ZNF536: variants seen among roughly 807,000 people sequenced by gnomAD.
The protein encoded by ZNF536 is zinc finger protein 536.
ZNF536 carries 13 observed loss-of-function variants against 84.5 expected under a neutral mutation model. That is an observed-to-expected ratio of 0.15 (90% confidence interval 0.10 to 0.24). The LOEUF is 0.24. ZNF536 is among the 10% of genes least tolerant of loss of function. The probability of loss-of-function intolerance (pLI) is 1.00; values close to 1 mark genes in which losing one functional copy is unlikely to be tolerated. For synonymous variants in ZNF536, 811 were observed against 742.5 expected (o/e 1.09, Z -1.50); for missense variants, 1,536 against 1,747.5 (o/e 0.88, Z 2.16).
At chr19:30,706,223 G>A (rs969354887) in intron 1 of ZNF536, among the ~76,000 whole-genome samples, 3 of 152,166 alleles carry the variant, frequency 2.0e-5, no homozygotes, top group Admixed American at 6.5e-5. Context: ...GGTGGCTCAC[G>A]CCTGTAATCC....
At chr19:30,517,027 G>A (rs532957852) in intron 2 of ZNF536, among the ~76,000 whole-genome samples, 3 of 152,156 alleles carry the variant, frequency 2.0e-5, no homozygotes, top group Admixed American at 6.5e-5. Flanking sequence ...TCTTTACATC[G>A]CCTGGTTCTC....
chr19:30,702,875 C>A (rs1017898201), intron 1 of ZNF536, among the ~76,000 whole-genome samples: 3 of 152,294 alleles, frequency 2.0e-5, no homozygotes, highest in African/African-American at 7.2e-5. Flanking sequence ...TGAGTAACAA[C>A]AATCATCAAA....
At chr19:30,441,633 C>T (rs903341547) in intron 1 of ZNF536, among the ~76,000 whole-genome samples, 6 of 152,216 alleles carry the variant, frequency 3.9e-5, no homozygotes, top group South Asian at 2.1e-4. Flanking sequence ...AATGGGCCCG[C>T]GTATTTTAAA....
intron 2 of ZNF536, among the ~76,000 whole-genome samples, chr19:30,493,155 T>C (rs2054578488): frequency 7.0e-6 from 1 of 143,050 alleles, no homozygotes; most frequent in African/African-American, 2.6e-5. Context: ...GCAGCTGTCA[T>C]GACTTTAGTT....
intron 1 of ZNF536, among the ~76,000 whole-genome samples, chr19:30,278,433 G>A (rs2045317916): frequency 6.6e-6 from 1 of 152,204 alleles, no homozygotes; most frequent in East Asian, 1.9e-4. Flanking sequence ...TAAAGGTGGT[G>A]TGGGCGGTGT....
At chr19:30,540,616 A>G (rs1454336254) in intron 3 of ZNF536, among the ~76,000 whole-genome samples, 2 of 152,214 alleles carry the variant, frequency 1.3e-5, no homozygotes, top group African/African-American at 4.8e-5. Context: ...AGGTGAAGTT[A>G]TCCCATCCCG....
exon 2 of ZNF536, chr19:30,712,285 GT>G (rs1369537138): frequency 6.6e-6 from 1 of 152,068 alleles, no homozygotes; most frequent in Non-Finnish European, 1.5e-5. Flanking sequence ...CTAGTTAAAG[GT>G]TTATTCTTGA....
chr19:30,629,569 G>T (rs2048814196), intron 1 of ZNF536, among the ~76,000 whole-genome samples: 1 of 152,170 alleles, frequency 6.6e-6, no homozygotes, highest in Non-Finnish European at 1.5e-5. Context: ...GTAAAAGAAG[G>T]GGCAAGGCTC....
At chr19:30,324,157 C>T (rs1037826151) in intron 2 of ZNF536, among the ~76,000 whole-genome samples, 1 of 152,082 alleles carries the variant, frequency 6.6e-6, no homozygotes, top group Non-Finnish European at 1.5e-5. Flanking sequence ...ATCCATCCAT[C>T]CACCCATCCA....
intron 2 of ZNF536, among the ~76,000 whole-genome samples, chr19:30,499,242 ATC>A (rs1463520235): frequency 1.3e-5 from 2 of 149,142 alleles, no homozygotes; most frequent in Non-Finnish European, 3.0e-5. Flanking sequence ...TTGAGGGCCT[ATC>A]TGTTCAGATA....
At chr19:30,314,959 G>T (rs1220525243) in intron 2 of ZNF536, among the ~76,000 whole-genome samples, 1 of 151,954 alleles carries the variant, frequency 6.6e-6, no homozygotes, top group East Asian at 1.9e-4. Context: ...TGGCCTAAAT[G>T]GCATGTCTCA....
intron 1 of ZNF536, among the ~76,000 whole-genome samples, chr19:30,255,678 A>G (rs1411822590): frequency 6.6e-6 from 1 of 152,184 alleles, no homozygotes; most frequent in Non-Finnish European, 1.5e-5. Context: ...TCTTTCTGCA[A>G]CTTCAATACA....
At chr19:30,710,395 T>C (rs1015255900) in intron 1 of ZNF536, among the ~76,000 whole-genome samples, 1 of 152,070 alleles carries the variant, frequency 6.6e-6, no homozygotes, top group African/African-American at 2.4e-5. Flanking sequence ...CAAACAAAAT[T>C]GCTGGGCATT....
chr19:30,346,256 T>A, intron 2 of ZNF536, among the ~76,000 whole-genome samples: 1 of 152,198 alleles, frequency 6.6e-6, no homozygotes, highest in East Asian at 1.9e-4. Flanking sequence ...GAAGATTTCC[T>A]CGGGAAAAGG....
At chr19:30,229,749 T>C (rs566464496) in intron 1 of ZNF536, among the ~76,000 whole-genome samples, 2 of 152,276 alleles carry the variant, frequency 1.3e-5, no homozygotes, top group South Asian at 4.1e-4. Context: ...CTGATTTGCT[T>C]GGTAATGATA....
At chr19:30,438,118 G>C (rs1326055930) in intron 1 of ZNF536, among the ~76,000 whole-genome samples, 2 of 152,096 alleles carry the variant, frequency 1.3e-5, no homozygotes, top group Non-Finnish European at 2.9e-5. Context: ...AGACTCGGGG[G>C]TACATGTGTA....
intron 1 of ZNF536, among the ~76,000 whole-genome samples, chr19:30,688,386 A>G (rs986793222): frequency 6.6e-6 from 1 of 152,136 alleles, no homozygotes; most frequent in African/African-American, 2.4e-5. Context: ...ATGTCAGCTG[A>G]GTTTCGGCTG....
chr19:30,626,797 G>A (rs1348699255), intron 1 of ZNF536, among the ~76,000 whole-genome samples: 1 of 152,224 alleles, frequency 6.6e-6, no homozygotes, highest in Non-Finnish European at 1.5e-5. Context: ...TGGTGACCGC[G>A]CCAGATAGGG....
intron 2 of ZNF536, among the ~76,000 whole-genome samples, chr19:30,339,596 G>A (rs1349276171): frequency 6.6e-6 from 1 of 152,178 alleles, no homozygotes; most frequent in East Asian, 1.9e-4. Flanking sequence ...AGGGATCTAG[G>A]ATGGTCCCTG....
Sources: allele counts gnomAD v4.1 joint callset (sites outside exome capture counted in the v4.1 genomes callset), GRCh38; gene constraint gnomAD v4.1.1; transcripts MANE v1.5; gene names NCBI Gene and HGNC (gene_info 2026-07-23, HGNC 2026-07-21).